CCDC148: variants seen among roughly 807,000 people sequenced by gnomAD.
CCDC148 encodes coiled-coil domain-containing protein 148.
A neutral mutation model predicts 85.7 loss-of-function variants in CCDC148; 89 were observed. The observed-to-expected ratio is 1.04, with a 90% confidence interval of 0.87 to 1.24. The LOEUF (loss-of-function observed/expected upper bound fraction) is 1.24, where lower values mean the gene tolerates loss of function less well. CCDC148 is among the 50% of genes most tolerant of loss of function. The pLI is 0.00. For synonymous variants in CCDC148, 230 were observed against 213.9 expected (o/e 1.08, Z -0.66); for missense variants, 692 against 671.7 (o/e 1.03, Z -0.33).
intron 7 of CCDC148, among the ~76,000 whole-genome samples, chr2:158,317,265 C>T (rs1338592484): frequency 2.0e-5 from 3 of 152,100 alleles, no homozygotes; most frequent in African/African-American, 4.8e-5. Flanking sequence ...TCCTTTTTGT[C>T]CGTCTAAACT....
chr2:158,450,542 G>C (rs776037819), intron 1 of CCDC148, among the ~76,000 whole-genome samples: 2 of 152,220 alleles, frequency 1.3e-5, no homozygotes, highest in African/African-American at 2.4e-5. Context: ...CTTACGGTAA[G>C]TGTCACCTTC....
intron 9 of CCDC148, among the ~76,000 whole-genome samples, chr2:158,255,887 G>A (rs933574209): frequency 1.3e-5 from 2 of 151,688 alleles, no homozygotes; most frequent in Non-Finnish European, 3.0e-5. Flanking sequence ...ACCAAGGGTT[G>A]TCTTTGAATG....
intron 1 of CCDC148, chr2:158,419,979 T>C (rs1367257065): frequency 6.6e-6 from 1 of 152,090 alleles, no homozygotes; most frequent in African/African-American, 2.4e-5. Flanking sequence ...TGCAGCAACC[T>C]AGTCTGCATG....
At chr2:158,184,456 T>G (rs115342045) in intron 11 of CCDC148, among the ~76,000 whole-genome samples, 1 of 152,176 alleles carries the variant, frequency 6.6e-6, no homozygotes, top group Non-Finnish European at 1.5e-5. Context: ...AAGAAGTCCC[T>G]ACTCTGTTGA....
Position 158,178,924 on chromosome 2 carries a change from A to G in CCDC148, c.1443T>C (p.His481=), listed in dbSNP as rs750084721. Residue 481 remains histidine (H), a synonymous_variant, in exon 12 of 14, where the codon CAT becomes CAC. Transcript: ENST00000283233. ...GCCGCCGTGCTCTCTCTTTGTCTTC[A>G]TGAGCTTCTTGAAGGGCCACTTCCT... The part of the protein sequence containing the change: ...EKKEVALQEA[H]EDKERARRLE... 5.6e-6 allele frequency: 9 copies of G among 1,613,574 alleles called. No homozygotes were observed. The highest frequency in any genetic ancestry group is 2.7e-5 in the African/African-American group (2 of 74,912).
chr2:158,341,791 A>C (rs1314572637), intron 3 of CCDC148, among the ~76,000 whole-genome samples: 1 of 151,700 alleles, frequency 6.6e-6, no homozygotes, highest in Non-Finnish European at 1.5e-5. Flanking sequence ...CAGCAATTAT[A>C]ATCCTTTAAT....
chr2:158,351,605 CA>C (rs1683295260), intron 2 of CCDC148, among the ~76,000 whole-genome samples: 1 of 152,210 alleles, frequency 6.6e-6, no homozygotes, highest in Non-Finnish European at 1.5e-5. Flanking sequence ...ATTGCTAGCA[CA>C]GCAGTCTGAG....
At chr2:158,285,721 A>G (rs529452444) in intron 9 of CCDC148, among the ~76,000 whole-genome samples, 2 of 151,324 alleles carry the variant, frequency 1.3e-5, no homozygotes, top group Non-Finnish European at 2.9e-5. Context: ...TATTTTTAGT[A>G]GAGACGGGGT....
chr2:158,286,428 A>T (rs769909490), intron 9 of CCDC148, among the ~76,000 whole-genome samples: 7 of 152,256 alleles, frequency 4.6e-5, no homozygotes, highest in Non-Finnish European at 7.3e-5. Flanking sequence ...AAAGCTCTCC[A>T]TTCTTGCCAA....
intron 10 of CCDC148, among the ~76,000 whole-genome samples, chr2:158,244,878 T>G (rs916196492): frequency 6.6e-6 from 1 of 152,164 alleles, no homozygotes; most frequent in Non-Finnish European, 1.5e-5. Context: ...CCCTTTAAAT[T>G]CAACAATCCT....
chr2:158,267,212 G>C (rs17808235), intron 9 of CCDC148, among the ~76,000 whole-genome samples: 26,771 of 151,566 alleles, frequency 0.18, 3,054 homozygotes, highest in Non-Finnish European at 0.25. Context: ...CATCAAACTC[G>C]CCGTGCTTTT....
intron 2 of CCDC148, among the ~76,000 whole-genome samples, chr2:158,347,296 T>G (rs1683041533): frequency 6.6e-6 from 1 of 152,126 alleles, no homozygotes; most frequent in Admixed American, 6.5e-5. Flanking sequence ...ATCAATGCTC[T>G]CGCCTTTGGG....
chr2:158,425,286 AAC>A, intron 1 of CCDC148: 1 of 537,334 alleles, frequency 1.9e-6, no homozygotes, highest in Non-Finnish European at 3.7e-6. Flanking sequence ...CAATCACCAA[AAC>A]AATCACCAGC....
rs753207767 is a variant in CCDC148, at chr2:158,220,652, T to C, written c.1313A>G (p.Gln438Arg). 5 of 1,599,410 alleles carry C rather than the reference T, an allele frequency of 3.1e-6. No homozygotes were observed. Among genetic ancestry groups the C allele is most frequent in the Admixed American group, 1.8e-5 (1 of 55,620 alleles). ...KWQEMEMRDL[Q>R]RLEELKKLIA... ...TAATTTCTTCAGTTCTTCTAGACGCTGAAGATCTCTCATTTCCATTTCTTG... is the reference window on the plus strand; with the variant it reads ...TAATTTCTTCAGTTCTTCTAGACGCCGAAGATCTCTCATTTCCATTTCTTG... The change falls in exon 11 of 14, where the codon CAG becomes CGG. Residue 438 changes from glutamine (Q) to arginine (R), a missense_variant. By Grantham distance (43) the Gln-to-Arg change is conservative. Coordinates refer to ENST00000283233, the MANE Select transcript of CCDC148 (RefSeq NM_138803.4).
At chr2:158,371,388 C>G (rs1684434595) in intron 1 of CCDC148, among the ~76,000 whole-genome samples, 1 of 151,908 alleles carries the variant, frequency 6.6e-6, no homozygotes, top group Admixed American at 6.6e-5. Flanking sequence ...TACAAATGTA[C>G]TGGTTAAAGT....
chr2:158,416,913 G>A (rs776056032), intron 1 of CCDC148, among the ~76,000 whole-genome samples: 11 of 152,166 alleles, frequency 7.2e-5, no homozygotes, highest in Admixed American at 4.6e-4. Flanking sequence ...TCATGGTTCT[G>A]CAGGCTGTAC....
In CCDC148 at chr2:158,396,074, T is replaced by A. The variant is rs752659555; in HGVS notation, c.26-37504A>T. Among the ~76,000 whole-genome samples, 16 of 152,228 alleles carry A rather than the reference T, an allele frequency of 1.1e-4. No homozygotes were observed. In the East Asian group the frequency reaches 3.1e-3, roughly 29 times the overall value. ...TCTTATTGTATTGTGTCATCACTCA[T>A]TGACATGGTTTGAATGTTCCAAAAT... On this transcript the variant is annotated intron_variant, in intron 1 of 13. Transcript: ENST00000283233.
chr2:158,245,622 T>C (rs1257758841), intron 10 of CCDC148, among the ~76,000 whole-genome samples: 2 of 152,178 alleles, frequency 1.3e-5, no homozygotes, highest in Non-Finnish European at 2.9e-5. Context: ...TCTGTGGAAC[T>C]CTAAACTAGG....
At chr2:158,442,959 C>T (rs921972550) in intron 1 of CCDC148, among the ~76,000 whole-genome samples, 1 of 152,194 alleles carries the variant, frequency 6.6e-6, no homozygotes, top group Admixed American at 6.5e-5. Context: ...GGTTTCCATT[C>T]TACCCTCTCT....
Sources: gnomAD v4.1 joint callset for allele counts (sites outside exome capture counted in the v4.1 genomes callset) on GRCh38, gnomAD v4.1.1 for gene constraint, MANE v1.5 for transcripts, NCBI Gene and HGNC (gene_info 2026-07-23, HGNC 2026-07-21) for gene names.